The following PGBD5 variants were observed in gnomAD, a reference collection of about 807,000 sequenced individuals.
The protein encoded by PGBD5 is piggyBac transposable element-derived protein 5.
In PGBD5, 14 loss-of-function variants were observed where a neutral mutation model predicts 47.9. The observed-to-expected ratio is 0.29, with a 90% CI of 0.19 to 0.46. The LOEUF is 0.46. PGBD5 is among the 20% of genes least tolerant of loss of function. The pLI is 1.00. For missense variants in PGBD5, 635 were observed against 716.0 expected (o/e 0.89, Z 1.29); for synonymous variants, 316 against 306.3 (o/e 1.03, Z -0.33).
chr1:230,398,874 A>C (rs927091252), intron 1 of PGBD5, among the ~76,000 whole-genome samples: 52 of 152,286 alleles, frequency 3.4e-4, no homozygotes, highest in Non-Finnish European at 1.5e-4. Context: ...GCCAGCATGG[A>C]GTCCCCCAGA....
At chr1:230,340,946 G>A (rs1047684873) in intron 3 of PGBD5, among the ~76,000 whole-genome samples, 5 of 152,098 alleles carry the variant, frequency 3.3e-5, no homozygotes, top group East Asian at 1.9e-4. Flanking sequence ...AGAAGTGGAC[G>A]CTCAACTGGG....
chr1:230,421,902 T>A (rs1383679620), intron 1 of PGBD5, among the ~76,000 whole-genome samples: 1 of 152,200 alleles, frequency 6.6e-6, no homozygotes, highest in African/African-American at 2.4e-5. Context: ...GCCAAGGGTC[T>A]CAGTTTAATT....
chr1:230,330,692 GAA>G (rs1667200254), intron 5 of PGBD5, among the ~76,000 whole-genome samples: 1 of 152,194 alleles, frequency 6.6e-6, no homozygotes. Flanking sequence ...GAGCAAGTGT[GAA>G]CTTCCCTGGG....
Position 230,426,227 on chromosome 1 carries a change from G to GCCGCCGCCACCGCCGCCACCA in PGBD5, c.-320_-300dup, listed in dbSNP as rs1657784144. ...GAGGCTGCGGCCGAGACCAGGCGCC[G>GCCGCCGCCACCGCCGCCACCA]CCGCCGCCACCGCCGCCACCACCGC... On this transcript the variant is annotated 5_prime_UTR_variant, in exon 1 of 7. Transcript: ENST00000391860. 2 of 149,928 alleles carry GCCGCCGCCACCGCCGCCACCA rather than the reference G, an allele frequency of 1.3e-5. No homozygotes were observed. The highest frequency in any genetic ancestry group is 2.5e-5 in the African/African-American group (1 of 40,686). 9.3% of individuals were successfully genotyped at this position (149,928 alleles called of 1,614,324 possible). A position where few individuals can be genotyped will look rare whatever the true frequency, so the allele number is the denominator to read the frequency against.
chr1:230,381,254 C>T (rs142235918), intron 1 of PGBD5, among the ~76,000 whole-genome samples: 112 of 152,338 alleles, frequency 7.4e-4, no homozygotes, highest in Middle Eastern at 3.4e-3. Context: ...CAGCATGTCC[C>T]GCTGCCAGGT....
chr1:230,332,459 G>A (rs1667235306), intron 5 of PGBD5, among the ~76,000 whole-genome samples: 1 of 152,234 alleles, frequency 6.6e-6, no homozygotes, highest in Non-Finnish European at 1.5e-5. Context: ...TACTTCTAAG[G>A]AAGACGTTGA....
chr1:230,336,296 GAAGT>G (rs1326756842), intron 4 of PGBD5: 1 of 152,244 alleles, frequency 6.6e-6, no homozygotes, highest in Non-Finnish European at 1.5e-5. Flanking sequence ...AGCAAAAAGT[GAAGT>G]CCAGGGCTGC....
chr1:230,392,477 C>A (rs1656808732), intron 1 of PGBD5, among the ~76,000 whole-genome samples: 1 of 152,216 alleles, frequency 6.6e-6, no homozygotes, highest in Admixed American at 6.5e-5. Context: ...GATCTTCTCC[C>A]CCTCCAAAGC....
rs1666972994 is a variant in PGBD5, at chr1:230,317,797, A to C, written c.*5628T>G. On this transcript the variant is annotated 3_prime_UTR_variant, in exon 7 of 7. Coordinates refer to ENST00000391860, the MANE Select transcript of PGBD5 (RefSeq NM_001258311.2). ...CCGCCCTTTCTGTTTTCATCTCCAA[A>C]TACATGCACACAAGGTCAAGCTTCC... 1 of 152,244 alleles carries C rather than the reference A, an allele frequency of 6.6e-6. No individual in the cohort carries two copies. Among genetic ancestry groups the C allele is most frequent in the Admixed American group, 6.5e-5 (1 of 15,272 alleles). 9.4% of individuals were successfully genotyped at this position (152,244 alleles called of 1,614,324 possible).
intron 6 of PGBD5, among the ~76,000 whole-genome samples, chr1:230,324,480 G>T (rs1667085271): frequency 6.6e-6 from 1 of 152,196 alleles, no homozygotes; most frequent in African/African-American, 2.4e-5. Context: ...AATCCCCAAG[G>T]AGTGGGACTA....
rs767901578 is a variant in PGBD5 at position 230,337,134 on chromosome 1, G to A, written c.1049C>T (p.Thr350Met). The change falls in exon 4 of 7, where the codon ACG (threonine) becomes ATG (methionine). Residue 350 changes from threonine (T) to methionine (M), a missense_variant. Transcript: ENST00000391860. The stretch of plus-strand genomic sequence containing the variant: ...TTGCTTCTCAAACTCTTCAAACAGC[G>A]TCAGGCTGGTGATGCTGGGCCCCGT... ...IFTGPSITSL[T>M]LFEEFEKQGI... The A allele has an allele frequency of 3.4e-5, 55 of 1,614,052 alleles. No individual in the cohort carries two copies. Among genetic ancestry groups the A allele is most frequent in the Admixed American group, 1.8e-4 (11 of 60,002 alleles).
Position 230,371,176 on chromosome 1 carries a change from C to G in PGBD5, c.332-13855G>C, listed in dbSNP as rs117637168. Among the ~76,000 whole-genome samples, 13 of 152,330 alleles carry G rather than the reference C, an allele frequency of 8.5e-5. No homozygotes were observed. In the East Asian group the frequency reaches 2.3e-3, roughly 27 times the overall value. On this transcript the variant is annotated intron_variant, in intron 1 of 6. Coordinates refer to ENST00000391860, the MANE Select transcript of PGBD5 (RefSeq NM_001258311.2). ...CATACTTAAAATGAGTTTTAACTTT[C>G]AAACCCAAAAGCTATTCTAATTTTG...
chr1:230,406,996 A>C (rs970174155), intron 1 of PGBD5, among the ~76,000 whole-genome samples: 1 of 152,138 alleles, frequency 6.6e-6, no homozygotes, highest in Non-Finnish European at 1.5e-5. Context: ...CACCACACCC[A>C]GATAATTTTT....
chr1:230,329,157 T>A (rs1324130160), intron 5 of PGBD5, among the ~76,000 whole-genome samples: 2 of 151,558 alleles, frequency 1.3e-5, no homozygotes. Context: ...ATAGATGGGG[T>A]CCTGCCATGT....
In PGBD5 at chr1:230,322,078, G is replaced by C. The variant is rs556995880; in HGVS notation, c.*1347C>G. 6.6e-6 allele frequency: 1 copy of C among 152,352 alleles called. No homozygotes were observed. The highest frequency in any genetic ancestry group is 1.9e-4 in the East Asian group (1 of 5,190). 9.4% of individuals were successfully genotyped at this position (152,352 alleles called of 1,614,324 possible). ...ATCAACTGGGTTGAAGGGGGACTGG[G>C]TAATCCCAGAAATTCCTTGTTTCTG... On this transcript the variant is annotated 3_prime_UTR_variant, in exon 7 of 7. Transcript: ENST00000391860. This position sits in a 1 kb window ranked among gnomAD's most constrained non-coding sequence, Gnocchi z 5.9.
At chr1:230,415,100 A>G (rs1453322893) in intron 1 of PGBD5, among the ~76,000 whole-genome samples, 1 of 152,132 alleles carries the variant, frequency 6.6e-6, no homozygotes, top group Non-Finnish European at 1.5e-5. Context: ...CCTTGTCTTT[A>G]CAAAAAAATT....
rs780593402 is a variant in PGBD5 at position 230,425,464 on chromosome 1, G to T, written c.331+134C>A. On this transcript the variant is annotated intron_variant, in intron 1 of 6. Transcript: ENST00000391860. The surrounding 1 kb of genome is among the most constrained non-coding windows in gnomAD (Gnocchi z 4.7). ...AGTCAGACCGATCACCGCTCCTGCAGCCTCATTTGTTTCCGGAGAGACACC... is the reference window on the plus strand; with the variant it reads ...AGTCAGACCGATCACCGCTCCTGCATCCTCATTTGTTTCCGGAGAGACACC... 4.7e-6 allele frequency: 3 copies of T among 640,886 alleles called. No individual in the cohort carries two copies. In the East Asian group the frequency reaches 1.1e-4, roughly 24 times the overall value. The allele number at this position is 640,886 out of a possible 1,614,324, so 39.7% of individuals were successfully genotyped here. A position where few individuals can be genotyped will look rare whatever the true frequency, so the allele number is the denominator to read the frequency against.
intron 1 of PGBD5, among the ~76,000 whole-genome samples, chr1:230,382,500 A>C (rs1656527685): frequency 1.3e-5 from 2 of 152,120 alleles, no homozygotes; most frequent in African/African-American, 4.8e-5. Context: ...TATGCTGGCC[A>C]CCCCTGATCT....
intron 1 of PGBD5, among the ~76,000 whole-genome samples, chr1:230,417,270 T>C (rs755305804): frequency 3.3e-5 from 5 of 152,068 alleles, no homozygotes; most frequent in African/African-American, 9.7e-5. Context: ...GCTGTCATTT[T>C]CCCTCCTCCT....
Sources: allele counts gnomAD v4.1 joint callset (sites outside exome capture counted in the v4.1 genomes callset), GRCh38; gene constraint gnomAD v4.1.1; non-coding constraint Gnocchi (gnomAD v3.1); transcripts MANE v1.5; gene names NCBI Gene and HGNC (gene_info 2026-07-23, HGNC 2026-07-21).